Variants in PLA2R1 observed in about 807,000 individuals in gnomAD.
PLA2R1 encodes the protein phospholipase A2 receptor 1.
A neutral mutation model predicts 195.9 loss-of-function variants in PLA2R1; 158 were observed. That is an observed-to-expected ratio of 0.81 (90% CI 0.71 to 0.92). The LOEUF (loss-of-function observed/expected upper bound fraction) is 0.92, where lower values mean the gene tolerates loss of function less well. Ranked by LOEUF, PLA2R1 falls within the 40% of genes least tolerant of loss-of-function variation. PLA2R1 has a pLI of 0.00. For synonymous variants in PLA2R1, 586 were observed against 598.2 expected, an observed-to-expected ratio of 0.98 and a Z score of 0.30; for missense variants, 1,626 against 1,764.6, an observed-to-expected ratio of 0.92 and a Z score of 1.41.
chr2:159,929,195 A>C (rs554536123), downstream of PLA2R1, among the ~76,000 whole-genome samples: 2 of 152,352 alleles, frequency 1.3e-5, no homozygotes, highest in South Asian at 2.1e-4. Flanking sequence ...CAAAAGAAAC[A>C]ATCAGCAGAG....
At chr2:159,966,496 A>G (rs1037675364) in intron 20 of PLA2R1, among the ~76,000 whole-genome samples, 1 of 152,330 alleles carries the variant, frequency 6.6e-6, no homozygotes, top group Non-Finnish European at 1.5e-5. Flanking sequence ...TAACACTAGT[A>G]AACAGTAGAC....
chr2:160,009,471 T>C (rs1317215241), intron 10 of PLA2R1, among the ~76,000 whole-genome samples: 3 of 152,190 alleles, frequency 2.0e-5, no homozygotes, highest in South Asian at 2.1e-4. Context: ...ATGAGACATG[T>C]AGAGTAGTTA....
intron 27 of PLA2R1, chr2:159,946,273 G>A (rs1197532238): frequency 2.0e-6 from 2 of 984,986 alleles, no homozygotes; most frequent in Admixed American, 6.2e-5. Flanking sequence ...GTACACCACT[G>A]TAACAAGCTC....
chr2:159,992,701 C>G (rs959612714), intron 11 of PLA2R1, among the ~76,000 whole-genome samples: 4 of 151,798 alleles, frequency 2.6e-5, no homozygotes, highest in Admixed American at 2.6e-4. Context: ...GAGCCCGCAT[C>G]GCCAAGTCAA....
intron 20 of PLA2R1, among the ~76,000 whole-genome samples, chr2:159,963,234 T>G (rs1688568874): frequency 6.6e-6 from 1 of 152,054 alleles, no homozygotes; most frequent in Non-Finnish European, 1.5e-5. Flanking sequence ...CATACTGGAG[T>G]GAATTCAAAA....
At chr2:160,037,055 G>A (rs1694208084) in intron 3 of PLA2R1, among the ~76,000 whole-genome samples, 1 of 152,140 alleles carries the variant, frequency 6.6e-6, no homozygotes, top group African/African-American at 2.4e-5. Context: ...CTGACAACCA[G>A]GTCCTGTTCA....
rs925409 is a variant in PLA2R1, at chr2:160,062,473, T to A, written c.-70A>T. On this transcript the variant is annotated 5_prime_UTR_variant, in exon 1 of 30. Transcript: ENST00000283243. ...CTTATCCCGGGAGCCCAGAGCCGCG[T>A]CCCAAGCACCCGGCCCCGCCGCGCG... 0.081 allele frequency: 117,252 copies of A among 1,451,828 alleles called. 7,904 individuals carry two copies. The highest frequency in any genetic ancestry group is 0.32 in the East Asian group (11,127 of 34,532). 89.9% of individuals were successfully genotyped at this position (1,451,828 alleles called of 1,614,324 possible).
chr2:159,928,981 C>G (rs1280608137), downstream of PLA2R1, among the ~76,000 whole-genome samples: 2 of 152,360 alleles, frequency 1.3e-5, no homozygotes, highest in East Asian at 3.9e-4. Flanking sequence ...CCTCATCTCT[C>G]ACCTTATACA....
chr2:159,943,927 A>T (rs1474918822), intron 28 of PLA2R1, among the ~76,000 whole-genome samples: 1 of 150,912 alleles, frequency 6.6e-6, no homozygotes, highest in Non-Finnish European at 1.5e-5. Context: ...AGGGCCGGTG[A>T]TTCTCTCTTC....
chr2:160,024,324 G>C (rs1288919056), intron 6 of PLA2R1, among the ~76,000 whole-genome samples: 1 of 152,146 alleles, frequency 6.6e-6, no homozygotes, highest in Non-Finnish European at 1.5e-5. Context: ...TACCTGGTGT[G>C]GCCAAGTTGC....
rs749047480 is a variant in PLA2R1 at position 159,956,606 on chromosome 2, T to TG, written c.2925dup (p.Lys976GlnfsTer18). The stretch of plus-strand genomic sequence containing the variant: ...CAGTTCTTCCAACTGCTTGGGTCTT[T>TG]GGGGATATTCAGCAGAAGGCACTAT... On this transcript the variant is annotated frameshift_variant, in exon 21 of 30. Transcript: ENST00000283243. LOFTEE classifies it high-confidence loss of function. 3.6e-5 allele frequency: 58 copies of TG among 1,610,004 alleles called. No individual in the cohort carries two copies. In the African/African-American group the frequency reaches 6.0e-4, roughly 17 times the overall value.
At chr2:160,021,319 T>C (rs755435703) in intron 7 of PLA2R1, among the ~76,000 whole-genome samples, 7 of 152,158 alleles carry the variant, frequency 4.6e-5, no homozygotes, top group Middle Eastern at 3.2e-3. Context: ...AAAAGACACC[T>C]GTACTCATAT....
In PLA2R1 at chr2:159,970,197, C is replaced by T. The variant is rs2105240671; in HGVS notation, c.2611G>A (p.Ala871Thr). The T allele has an allele frequency of 1.2e-6, 2 of 1,609,458 alleles. No individual in the cohort carries two copies. The highest frequency in any genetic ancestry group is 1.7e-6 in the Non-Finnish European group (2 of 1,177,242). The change falls in exon 18 of 30, where the codon GCA becomes ACA. Residue 871 changes from alanine to threonine, a missense_variant. Physicochemically the swap from Ala to Thr is moderately conservative, Grantham distance 58. Transcript: ENST00000283243. ...SKIKALSKYG[A>T]SWWIGLQEER... ...TCTTGAAGTCCAATCCACCAACTTG[C>T]ACCATACTTTGATAGCTATTGAAAG...
At chr2:159,988,102 T>C (rs948758151) in intron 11 of PLA2R1, among the ~76,000 whole-genome samples, 5 of 151,922 alleles carry the variant, frequency 3.3e-5, no homozygotes, top group Non-Finnish European at 5.9e-5. Context: ...AGAAACAATT[T>C]ATAAATTAAG....
intron 17 of PLA2R1, 66 bp from the exon 18 acceptor site, chr2:159,970,278 G>C (rs1041584174): frequency 9.2e-7 from 1 of 1,092,012 alleles, no homozygotes; most frequent in Admixed American, 1.9e-5. Context: ...AAGAGTAATG[G>C]GGTTGCTGCT....
intron 20 of PLA2R1, among the ~76,000 whole-genome samples, chr2:159,966,932 C>T (rs1441725331): frequency 1.3e-5 from 2 of 152,024 alleles, no homozygotes; most frequent in Admixed American, 1.3e-4. Context: ...TTTAAAATAT[C>T]CCCACTGGCA....
intron 17 of PLA2R1, among the ~76,000 whole-genome samples, chr2:159,970,424 T>C (rs942738898): frequency 6.6e-6 from 1 of 152,178 alleles, no homozygotes; most frequent in South Asian, 2.1e-4. Flanking sequence ...GAATCAAACA[T>C]GGAAAATAAT....
At chr2:159,994,575 TA>T (rs1172845599) in intron 11 of PLA2R1, among the ~76,000 whole-genome samples, 2 of 152,152 alleles carry the variant, frequency 1.3e-5, no homozygotes, top group Non-Finnish European at 2.9e-5. Context: ...AAGGAGTCTT[TA>T]TTTTTTGGAA....
chr2:159,993,098 A>T (rs1394839787), intron 11 of PLA2R1, among the ~76,000 whole-genome samples: 1 of 152,138 alleles, frequency 6.6e-6, no homozygotes. Flanking sequence ...AGCAACCTCC[A>T]CTTATATTGA....
Sources: gnomAD v4.1 joint callset for allele counts (sites outside exome capture counted in the v4.1 genomes callset) on GRCh38, gnomAD v4.1.1 for gene constraint, MANE v1.5 for transcripts, NCBI Gene and HGNC (gene_info 2026-07-23, HGNC 2026-07-21) for gene names.